The following OSBPL6 variants were observed in gnomAD, a reference collection of about 807,000 sequenced individuals.
The protein encoded by OSBPL6 is oxysterol-binding protein-related protein 6.
OSBPL6 carries 49 observed loss-of-function variants against 125.8 expected under a neutral mutation model. The ratio of observed to expected loss-of-function variants is 0.39; its 90% CI spans 0.31 to 0.49. The LOEUF (loss-of-function observed/expected upper bound fraction) is 0.49. OSBPL6 is among the 20% of genes least tolerant of loss of function. The probability of loss-of-function intolerance (pLI) is 0.88; values close to 1 mark genes in which losing one functional copy is unlikely to be tolerated. For missense variants in OSBPL6, 986 were observed against 1,135.4 expected (o/e 0.87, Z 1.89); for synonymous variants, 394 against 391.8 (o/e 1.01, Z -0.07).
chr2:178,255,165 G>A (rs1276020711), intron 1 of OSBPL6, among the ~76,000 whole-genome samples: 4 of 152,304 alleles, frequency 2.6e-5, no homozygotes, highest in East Asian at 1.9e-4. Context: ...TTAGCTGGGC[G>A]TGGTAGCACA....
chr2:178,352,927 C>G (rs1011228814), intron 12 of OSBPL6, among the ~76,000 whole-genome samples: 12 of 152,192 alleles, frequency 7.9e-5, no homozygotes, highest in African/African-American at 2.4e-4. Context: ...TGTTCTGCAG[C>G]CTCCACTGTT....
At position 178,339,716 on chromosome 2, in the gene OSBPL6, A is replaced by G; in HGVS notation, c.939A>G (p.Arg313=). ...CAAAGAAAGACAAGCGGGTCACAAGACGATGGAGAACAAAAAGTGTCAGCA... is the reference window on the plus strand; with the variant it reads ...CAAAGAAAGACAAGCGGGTCACAAGGCGATGGAGAACAAAAAGTGTCAGCA... ...DISKKDKRVT[R]RWRTKSVSKD... is the part of the protein sequence containing the mutation. Residue 313 remains arginine, a synonymous_variant, in exon 11 of 25, where the codon AGA becomes AGG. Coordinates refer to ENST00000190611, the MANE Select transcript of OSBPL6 (RefSeq NM_032523.4). 6.2e-7 allele frequency: 1 copy of G among 1,607,084 alleles called. No individual in the cohort carries two copies. Among genetic ancestry groups the G allele is most frequent in the South Asian group, 1.1e-5 (1 of 89,708 alleles).
intron 1 of OSBPL6, among the ~76,000 whole-genome samples, chr2:178,255,898 G>A (rs547733862): frequency 6.6e-5 from 10 of 152,292 alleles, no homozygotes; most frequent in Admixed American, 1.3e-4. Context: ...GGAAGAAAAC[G>A]TTTGGTCCAG....
chr2:178,364,081 G>C (rs1171205285), intron 13 of OSBPL6, among the ~76,000 whole-genome samples: 1 of 152,234 alleles, frequency 6.6e-6, no homozygotes, highest in East Asian at 1.9e-4. Flanking sequence ...TTTACTGACA[G>C]TTCTTTCCTT....
chr2:178,225,241 TAAA>T (rs572870964), intron 1 of OSBPL6, among the ~76,000 whole-genome samples: 1 of 138,174 alleles, frequency 7.2e-6, no homozygotes. Flanking sequence ...CCCATTACTT[TAAA>T]AAAAAAAAAA....
chr2:178,356,150 T>C lies in OSBPL6; in HGVS notation c.1154-5532T>C, dbSNP rs531654092. Among the ~76,000 whole-genome samples the C allele has an allele frequency of 4.2e-3, 639 of 152,308 alleles. 4 individuals are homozygous for C. Among genetic ancestry groups the C allele is most frequent in the Non-Finnish European group, 6.7e-3 (455 of 68,036 alleles). On this transcript the variant is annotated intron_variant, in intron 12 of 24. Coordinates refer to ENST00000190611, the MANE Select transcript of OSBPL6 (RefSeq NM_032523.4). ...AATATCATACTGAATGGGCAAAAACTGGAAGCATTCCCTTTGAAAACCAGC... is the reference window on the plus strand; with the variant it reads ...AATATCATACTGAATGGGCAAAAACCGGAAGCATTCCCTTTGAAAACCAGC...
chr2:178,230,494 T>C (rs2090771728), intron 1 of OSBPL6: 1 of 152,210 alleles, frequency 6.6e-6, no homozygotes, highest in Admixed American at 6.5e-5. Context: ...ATGTATATAA[T>C]ACCCGAGGAA....
chr2:178,367,390 A>T (rs1450542359), intron 13 of OSBPL6, among the ~76,000 whole-genome samples: 1 of 152,156 alleles, frequency 6.6e-6, no homozygotes, highest in East Asian at 1.9e-4. Context: ...TCATTTTCTC[A>T]TTCCTTTTGA....
At chr2:178,359,707 TGGA>T (rs1420520595) in intron 12 of OSBPL6, among the ~76,000 whole-genome samples, 3 of 152,120 alleles carry the variant, frequency 2.0e-5, no homozygotes, top group Non-Finnish European at 4.4e-5. Flanking sequence ...ACATACACAA[TGGA>T]GTATTATTCA....
chr2:178,225,020 T>TCC (rs2090494293), intron 1 of OSBPL6, among the ~76,000 whole-genome samples: 1 of 150,538 alleles, frequency 6.6e-6, no homozygotes, highest in Admixed American at 6.6e-5. Flanking sequence ...TCTCTCTCTC[T>TCC]CTCTCTGAGT....
chr2:178,353,530 GA>G (rs1168158221), intron 12 of OSBPL6, among the ~76,000 whole-genome samples: 1 of 152,112 alleles, frequency 6.6e-6, no homozygotes, highest in African/African-American at 2.4e-5. Flanking sequence ...AATAAAACAA[GA>G]AGACAAGGTT....
At position 178,391,138 on chromosome 2, in the gene OSBPL6, G is replaced by C; in HGVS notation, c.2367G>C (p.Ala789=). 3.7e-6 allele frequency: 6 copies of C among 1,613,892 alleles called. No individual in the cohort carries two copies. Among genetic ancestry groups the C allele is most frequent in the Non-Finnish European group, 5.1e-6 (6 of 1,179,920 alleles). The change falls in exon 22 of 25, where the codon GCG becomes GCC. Residue 789 remains alanine, a synonymous_variant. Transcript: ENST00000190611. ...TGGTGATAGATCAGGAGGGGAAGGC[G>C]GTGTACCGGCTGTTTGGAAAGTGGC... ...QGVVIDQEGK[A]VYRLFGKWHE... is the part of the protein sequence containing the mutation.
chr2:178,367,971 C>G (rs897956972), intron 13 of OSBPL6, among the ~76,000 whole-genome samples: 21 of 152,256 alleles, frequency 1.4e-4, no homozygotes, highest in African/African-American at 5.1e-4. Context: ...GGGGCTGGTC[C>G]TCTGCCTCCT....
intron 13 of OSBPL6, among the ~76,000 whole-genome samples, chr2:178,363,844 T>C (rs1354279839): frequency 2.0e-5 from 3 of 152,184 alleles, no homozygotes; most frequent in Admixed American, 1.3e-4. Flanking sequence ...GATGTGAAAA[T>C]AATTTGGAAC....
Position 178,394,429 on chromosome 2 carries a change from T to G in OSBPL6, c.2690T>G (p.Phe897Cys). Reference sequence around the variant, plus strand: ...AACAATCTTGAACATATACCAAAATTTTTTAAGTAAGTCAGTTAACTCCCA... The same window carrying G: ...AACAATCTTGAACATATACCAAAATGTTTTAAGTAAGTCAGTTAACTCCCA... ...EENNLEHIPK[F>C]FKKVIDANQR... The change falls in exon 24 of 25, where the codon TTT becomes TGT. Residue 897 changes from phenylalanine (F) to cysteine (C), a missense_variant. Physicochemically the swap from Phe to Cys is radical, Grantham distance 205. Coordinates refer to ENST00000190611, the MANE Select transcript of OSBPL6 (RefSeq NM_032523.4). 6.2e-7 allele frequency: 1 copy of G among 1,607,412 alleles called. No individual in the cohort carries two copies. Among genetic ancestry groups the G allele is most frequent in the Non-Finnish European group, 8.5e-7 (1 of 1,178,448 alleles).
intron 1 of OSBPL6, among the ~76,000 whole-genome samples, chr2:178,262,983 A>G (rs1208063067): frequency 1.3e-5 from 2 of 152,202 alleles, no homozygotes; most frequent in Non-Finnish European, 2.9e-5. Flanking sequence ...CTGATACTTC[A>G]TTAATTCTTG....
At chr2:178,230,002 C>T (rs1444247402) in intron 1 of OSBPL6, among the ~76,000 whole-genome samples, 1 of 152,176 alleles carries the variant, frequency 6.6e-6, no homozygotes, top group Non-Finnish European at 1.5e-5. Context: ...GTCTCTCTGC[C>T]TTTTTGCTCA....
intron 13 of OSBPL6, among the ~76,000 whole-genome samples, chr2:178,364,910 G>A (rs1692672346): frequency 1.3e-5 from 2 of 152,178 alleles, no homozygotes; most frequent in African/African-American, 4.8e-5. Context: ...GGCCGGGCGC[G>A]GTGGCTCAAA....
At chr2:178,307,454 T>C (rs1686869182) in intron 3 of OSBPL6, among the ~76,000 whole-genome samples, 1 of 152,200 alleles carries the variant, frequency 6.6e-6, no homozygotes, top group South Asian at 2.1e-4. Flanking sequence ...CTTTTGATAC[T>C]GGTGTCTTTT....
Sources: gnomAD v4.1 joint callset for allele counts (sites outside exome capture counted in the v4.1 genomes callset) on GRCh38, gnomAD v4.1.1 for gene constraint, MANE v1.5 for transcripts, NCBI Gene and HGNC (gene_info 2026-07-23, HGNC 2026-07-21) for gene names.